FAM135A: variants seen among roughly 807,000 people sequenced by gnomAD.
The protein encoded by FAM135A is family with sequence similarity 135 member A, also known as protein FAM135A.
FAM135A carries 79 observed loss-of-function variants against 146.8 expected under a neutral mutation model. The ratio of observed to expected loss-of-function variants is 0.54; its 90% CI spans 0.45 to 0.65. The LOEUF is 0.65. Ranked by LOEUF, FAM135A falls within the 30% of genes least tolerant of loss-of-function variation. The pLI is 0.00. For missense variants in FAM135A, 1,623 were observed against 1,758.2 expected (o/e 0.92, Z 1.38); for synonymous variants, 562 against 603.6 (o/e 0.93, Z 1.01).
In FAM135A at chr6:70,430,196, G is replaced by A. The variant is rs538458925; in HGVS notation, c.77+1777G>A. On this transcript the variant is annotated intron_variant, in intron 4 of 21. Transcript: ENST00000418814. ...TACTAAAAATATAAAAATTACCCAG[G>A]TGTGGTGGTGGACGCCTGTAATCCC... Among the ~76,000 whole-genome samples the A allele has an allele frequency of 4.1e-4, 62 of 152,202 alleles. No individual in the cohort carries two copies. The South Asian group carries it at 8.9e-3, about 22-fold the overall frequency.
intron 20 of FAM135A, among the ~76,000 whole-genome samples, chr6:70,538,840 A>ATTATG (rs1436277658): frequency 6.8e-6 from 1 of 146,380 alleles, no homozygotes; most frequent in African/African-American, 2.5e-5. Flanking sequence ...ATTATATTAT[A>ATTATG]TTATATTATA....
At chr6:70,454,967 A>G (rs9455118) in intron 5 of FAM135A, among the ~76,000 whole-genome samples, 3,837 of 152,266 alleles carry the variant, frequency 0.025, 167 homozygotes, top group African/African-American at 0.088. Context: ...TTCTGTGAAG[A>G]AAGTCATTGT....
intron 11 of FAM135A, among the ~76,000 whole-genome samples, chr6:70,493,661 A>T (rs1376786166): frequency 6.6e-6 from 1 of 152,216 alleles, no homozygotes; most frequent in East Asian, 1.9e-4. Flanking sequence ...AGTTCATGTG[A>T]AGATTCATAA....
At chr6:70,538,681 T>A (rs1029524254) in intron 20 of FAM135A, among the ~76,000 whole-genome samples, 6 of 151,810 alleles carry the variant, frequency 4.0e-5, no homozygotes, top group Admixed American at 3.9e-4. Flanking sequence ...GTGCCAGTTT[T>A]GTTAGTCTAT....
chr6:70,447,383 C>T (rs1330868985), intron 4 of FAM135A, among the ~76,000 whole-genome samples: 1 of 152,164 alleles, frequency 6.6e-6, no homozygotes, highest in Non-Finnish European at 1.5e-5. Flanking sequence ...TTTGAATTTC[C>T]CCATTGTAAT....
chr6:70,536,091 C>A, intron 18 of FAM135A, 169 bp from the exon 19 acceptor site: 2 of 552,192 alleles, frequency 3.6e-6, no homozygotes, highest in Non-Finnish European at 6.1e-6. Flanking sequence ...TACATTCTCA[C>A]ATTTTTTCCT....
intron 11 of FAM135A, among the ~76,000 whole-genome samples, chr6:70,497,637 C>G (rs1787588652): frequency 6.6e-6 from 1 of 152,146 alleles, no homozygotes; most frequent in African/African-American, 2.4e-5. Flanking sequence ...GTGGGTTTGT[C>G]ATAAATAGCT....
At chr6:70,474,724 G>A (rs1374265830) in intron 5 of FAM135A, among the ~76,000 whole-genome samples, 2 of 152,076 alleles carry the variant, frequency 1.3e-5, no homozygotes, top group Non-Finnish European at 2.9e-5. Flanking sequence ...GATGATATGC[G>A]GAGTATTACC....
At chr6:70,442,551 C>T (rs1270033061) in intron 4 of FAM135A, among the ~76,000 whole-genome samples, 1 of 151,940 alleles carries the variant, frequency 6.6e-6, no homozygotes, top group Admixed American at 6.6e-5. Context: ...TTTGGTATAT[C>T]CTTTTTTTCT....
chr6:70,420,484 C>A (rs1336294355), intron 2 of FAM135A, among the ~76,000 whole-genome samples: 1 of 152,158 alleles, frequency 6.6e-6, no homozygotes, highest in Non-Finnish European at 1.5e-5. Flanking sequence ...CCTGGACTCT[C>A]CTTTGTGGAT....
intron 4 of FAM135A, among the ~76,000 whole-genome samples, chr6:70,434,650 T>G (rs1772532944): frequency 6.6e-6 from 1 of 152,234 alleles, no homozygotes. Context: ...CAATGGCATC[T>G]TGAGTGGAGT....
At chr6:70,538,213 A>G (rs1797137198) in intron 19 of FAM135A, 78 bp from the exon 20 acceptor site, 5 of 857,592 alleles carry the variant, frequency 5.8e-6, no homozygotes, top group Non-Finnish European at 8.0e-6. Flanking sequence ...GAAGTGAAAT[A>G]TATATTAAAA....
intron 11 of FAM135A, among the ~76,000 whole-genome samples, chr6:70,501,553 C>G (rs368271381): frequency 2.0e-5 from 3 of 152,228 alleles, no homozygotes; most frequent in Admixed American, 1.3e-4. Flanking sequence ...AAAAAAACTC[C>G]TGCAGCTAGC....
At chr6:70,452,848 A>G (rs1777428342) in intron 5 of FAM135A, among the ~76,000 whole-genome samples, 2 of 152,188 alleles carry the variant, frequency 1.3e-5, no homozygotes, top group East Asian at 1.9e-4. Flanking sequence ...ATAAGATGCA[A>G]TCTAAAAAGA....
chr6:70,559,656 GT>G (rs1801589345), intron 21 of FAM135A, 59 bp from the exon 22 acceptor site: 3 of 1,384,876 alleles, frequency 2.2e-6, no homozygotes, highest in Non-Finnish European at 2.9e-6. Context: ...AATTGGCATA[GT>G]TTTTTTATTT....
At chr6:70,463,665 T>TA (rs894601104) in intron 5 of FAM135A, among the ~76,000 whole-genome samples, 36 of 151,562 alleles carry the variant, frequency 2.4e-4, no homozygotes, top group East Asian at 1.4e-3. Context: ...AACAGTGCTT[T>TA]AAAAAAAAAT....
intron 4 of FAM135A, among the ~76,000 whole-genome samples, chr6:70,429,088 G>C (rs1452111898): frequency 6.6e-6 from 1 of 152,142 alleles, no homozygotes; most frequent in Non-Finnish European, 1.5e-5. Flanking sequence ...GGAGGGATAA[G>C]ATCAAAGTAT....
chr6:70,431,896 A>G (rs953777644), intron 4 of FAM135A, among the ~76,000 whole-genome samples: 2 of 152,186 alleles, frequency 1.3e-5, no homozygotes, highest in Non-Finnish European at 2.9e-5. Flanking sequence ...TCTGACCTAT[A>G]TATAAAATAT....
chr6:70,449,902 C>T (rs1262296232), intron 4 of FAM135A, among the ~76,000 whole-genome samples: 1 of 152,164 alleles, frequency 6.6e-6, no homozygotes, highest in African/African-American at 2.4e-5. Context: ...GTTCCTTTTT[C>T]TCCACATCCT....
Sources: allele counts gnomAD v4.1 joint callset (sites outside exome capture counted in the v4.1 genomes callset), GRCh38; gene constraint gnomAD v4.1.1; transcripts MANE v1.5; gene names NCBI Gene and HGNC (gene_info 2026-07-23, HGNC 2026-07-21).